The following F5 variants were observed in gnomAD, a reference collection of about 807,000 sequenced individuals.
The protein encoded by F5 is coagulation factor V, also known as activated protein c cofactor.
Under a neutral mutation model 216.4 loss-of-function variants are expected in F5, and 138 were observed. The observed-to-expected ratio is 0.64, with a 90% CI of 0.56 to 0.73. The LOEUF (loss-of-function observed/expected upper bound fraction) is 0.73, where lower values mean the gene tolerates loss of function less well. Ranked by LOEUF, F5 falls within the 30% of genes least tolerant of loss-of-function variation. F5 has a pLI of 0.00. For missense variants in F5, 2,403 were observed against 2,674.0 expected (o/e 0.90, Z 2.24); for synonymous variants, 916 against 930.7 (o/e 0.98, Z 0.29).
At chr1:169,554,712 G>T (rs1277655171) in intron 7 of F5, among the ~76,000 whole-genome samples, 2 of 152,210 alleles carry the variant, frequency 1.3e-5, no homozygotes, top group Admixed American at 1.3e-4. Flanking sequence ...GTCAACAGAT[G>T]ATGTCATCTG....
chr1:169,550,715 G>C lies in F5; in HGVS notation c.1321C>G (p.Arg441Gly), dbSNP rs747006175. 6.2e-7 allele frequency: 1 copy of C among 1,613,708 alleles called. No homozygotes were observed. The change falls in exon 9 of 25, where the codon CGC becomes GGC. Residue 441 changes from arginine (R) to glycine (G), a missense_variant. By Grantham distance (125) the Arg-to-Gly change is moderately radical (BLOSUM62 -2). Transcript: ENST00000367797. ...CCATGAGGGTAAATGCTATAGGGGC[G>C]GCTGGCCATATTTTTGAACACGATC... is the stretch of plus-strand genomic sequence containing the variant. ...LKIVFKNMAS[R>G]PYSIYPHGVT...
intron 5 of F5, among the ~76,000 whole-genome samples, chr1:169,557,774 G>T (rs1660366679): frequency 6.6e-6 from 1 of 151,892 alleles, no homozygotes; most frequent in Middle Eastern, 3.4e-3. Context: ...TTGCAACAAA[G>T]CCAGGATTCC....
Position 169,546,878 on chromosome 1 carries a change from C to T in F5, c.1612-286G>A, listed in dbSNP as rs567394965. 2.0e-5 allele frequency among the ~76,000 whole-genome samples: 3 copies of T among 151,182 alleles called. No individual in the cohort carries two copies. In the East Asian group the frequency reaches 5.8e-4, roughly 29 times the overall value. On this transcript the variant is annotated intron_variant, in intron 10 of 24. Transcript: ENST00000367797. ...GGCGCGGTGGCTCACGCCTGTAATACCAGCACTTTGGGAGGCCAAGGCGGG... is the reference window on the plus strand; with the variant it reads ...GGCGCGGTGGCTCACGCCTGTAATATCAGCACTTTGGGAGGCCAAGGCGGG...
At chr1:169,529,538 C>T in intron 16 of F5, 70 bp downstream of exon 16, 2 of 1,386,256 alleles carry the variant, frequency 1.4e-6, no homozygotes, top group Non-Finnish European at 2.0e-6. Context: ...TTGTGAATAT[C>T]TAAGGGCAGA....
chr1:169,534,590 C>T (rs1389490535), intron 14 of F5, among the ~76,000 whole-genome samples: 1 of 151,704 alleles, frequency 6.6e-6, no homozygotes, highest in Non-Finnish European at 1.5e-5. Flanking sequence ...ATTGCTTGAA[C>T]CTGGGAGGCA....
At chr1:169,547,050 C>A (rs1210497397) in intron 10 of F5, among the ~76,000 whole-genome samples, 1 of 151,766 alleles carries the variant, frequency 6.6e-6, no homozygotes, top group Admixed American at 6.6e-5. Flanking sequence ...CCCAGCTACT[C>A]GGGAGGCCGA....
chr1:169,520,691 A>G (rs371796075), intron 21 of F5, 27 bp from the exon 22 acceptor site: 2 of 1,593,686 alleles, frequency 1.3e-6, no homozygotes, highest in Non-Finnish European at 1.7e-6. Context: ...AAGTTTAGTT[A>G]TGTAACAATG....
At chr1:169,525,674 A>C (rs1392928711) in intron 18 of F5, among the ~76,000 whole-genome samples, 1 of 152,228 alleles carries the variant, frequency 6.6e-6, no homozygotes, top group East Asian at 1.9e-4. Flanking sequence ...AGTCATGAAG[A>C]AGGATGCTTT....
intron 6 of F5, 106 bp downstream of exon 6, chr1:169,556,540 G>T: frequency 9.7e-7 from 1 of 1,027,946 alleles, no homozygotes; most frequent in Non-Finnish European, 1.5e-6. Flanking sequence ...AGGAAAGTTT[G>T]TCTGCGGTGC....
rs1364703359 is a variant in F5 at position 169,544,445 on chromosome 1, T to C, written c.1826A>G (p.Gln609Arg). 1 of 1,614,162 alleles carries C rather than the reference T, an allele frequency of 6.2e-7. No individual in the cohort carries two copies. The highest frequency in any genetic ancestry group is 1.1e-5 in the South Asian group (1 of 91,090). ...TLGFCFDDTV[Q>R]WHFCSVGTQN... ...GGTCCCCACACTACAGAAGTGCCAC[T>C]GGACAGTGTCATCAAAGCAGAATCC... The change falls in exon 12 of 25, where the codon CAG (glutamine) becomes CGG (arginine). Residue 609 changes from glutamine (Q) to arginine (R), a missense_variant. This residue lies in a region of F5 where 1,425 missense variants were observed against 1,554.8 expected (regional missense o/e 0.92). Transcript: ENST00000367797.
intron 10 of F5, among the ~76,000 whole-genome samples, chr1:169,547,364 C>T (rs1660035350): frequency 6.6e-6 from 1 of 152,112 alleles, no homozygotes. Flanking sequence ...AAATAAAGAG[C>T]TCCTGCACAG....
rs775110861 is a variant in F5, at chr1:169,540,707, A to G, written c.4383T>C (p.Asp1461=). ...LSQISPPPDL[D]QIFYPSESSQ... is the part of the protein sequence containing the mutation. The stretch of plus-strand genomic sequence containing the variant: ...TAGATTCAGAAGGGTAGAATATCTG[A>G]TCAAGGTCTGGAGGAGGTGATATCT... Residue 1461 remains aspartate (D), a synonymous_variant, in exon 13 of 25, where the codon GAT becomes GAC. Coordinates refer to ENST00000367797, the MANE Select transcript of F5 (RefSeq NM_000130.5). 8 of 1,613,974 alleles carry G rather than the reference A, an allele frequency of 5.0e-6. No individual in the cohort carries two copies. The Admixed American group carries it at 1.0e-4, about 20-fold the overall frequency.
rs779195869 is a variant in F5, at chr1:169,541,397, A to C, written c.3693T>G (p.Ile1231Met). 1.9e-6 allele frequency: 3 copies of C among 1,610,264 alleles called. No homozygotes were observed. The highest frequency in any genetic ancestry group is 2.5e-6 in the Non-Finnish European group (3 of 1,178,772). ...GGGTTGTATGGCTGAGGTCTGGAGA[A>C]ATGGGCATCTGACCGAGGGCTGGGG... is the stretch of plus-strand genomic sequence containing the variant. ...NLSPALGQMP[I>M]SPDLSHTTLS... is the part of the protein sequence containing the mutation. The change falls in exon 13 of 25, where the codon ATT (isoleucine) becomes ATG (methionine). Residue 1231 changes from isoleucine (I) to methionine (M), a missense_variant. Ile to Met is a conservative substitution (Grantham distance 10, BLOSUM62 1). Coordinates refer to ENST00000367797, the MANE Select transcript of F5 (RefSeq NM_000130.5).
Position 169,529,604 on chromosome 1 carries a change from A to C in F5, c.5419+4T>G. 1 of 1,613,104 alleles carries C rather than the reference A, an allele frequency of 6.2e-7. No homozygotes were observed. The highest frequency in any genetic ancestry group is 8.5e-7 in the Non-Finnish European group (1 of 1,179,242). ...GAGATTAGATCAAAGTCTGAGGAAA[A>C]TACCGTGAAACTCATGGGATTTTTT... On this transcript the variant is annotated splice_donor_region_variant and intron_variant, in intron 16 of 24. Coordinates refer to ENST00000367797, the MANE Select transcript of F5 (RefSeq NM_000130.5).
At position 169,546,901 on chromosome 1, in the gene F5, G is replaced by C. The variant is rs12143223; in HGVS notation, c.1612-309C>G. On this transcript the variant is annotated intron_variant, in intron 10 of 24. Coordinates refer to ENST00000367797, the MANE Select transcript of F5 (RefSeq NM_000130.5). ...TACCAGCACTTTGGGAGGCCAAGGC[G>C]GGTGGATCACCTGAGGTCAGGAGTT... Among the ~76,000 whole-genome samples, 35,462 of 151,064 alleles carry C rather than the reference G, an allele frequency of 0.23. 4,262 individuals are homozygous for C. Among genetic ancestry groups the C allele is most frequent in the Admixed American group, 0.33 (5,038 of 15,174 alleles).
intron 3 of F5, among the ~76,000 whole-genome samples, chr1:169,569,307 G>C (rs917874373): frequency 6.6e-6 from 1 of 152,082 alleles, no homozygotes; most frequent in Non-Finnish European, 1.5e-5. Context: ...GGCAGAAAAC[G>C]TGTTTTATTT....
chr1:169,560,429 C>A, intron 4 of F5, 125 bp downstream of exon 4: 1 of 845,886 alleles, frequency 1.2e-6, no homozygotes, highest in Non-Finnish European at 1.9e-6. Flanking sequence ...GATCTGGTCT[C>A]CGTGCCGTCT....
chr1:169,563,690 AT>A (rs1416774023), intron 3 of F5, among the ~76,000 whole-genome samples: 1 of 151,288 alleles, frequency 6.6e-6, no homozygotes, highest in African/African-American at 2.4e-5. Context: ...TCTATGCTTT[AT>A]TTTTTACTTT....
intron 14 of F5, 62 bp from the exon 15 acceptor site, chr1:169,531,084 G>A: frequency 7.9e-7 from 1 of 1,267,458 alleles, no homozygotes; most frequent in South Asian, 1.2e-5. Flanking sequence ...CCACAAAAAT[G>A]TCAGCATTAT....
Sources: allele counts gnomAD v4.1 joint callset (sites outside exome capture counted in the v4.1 genomes callset), GRCh38; gene constraint gnomAD v4.1.1; regional missense constraint gnomAD v4.1.1; transcripts MANE v1.5; gene names NCBI Gene and HGNC (gene_info 2026-07-23, HGNC 2026-07-21).